Variants in IQCM observed in about 807,000 individuals in gnomAD.
IQCM encodes the protein IQ domain-containing protein M.
IQCM carries 45 observed loss-of-function variants against 57.6 expected under a neutral mutation model. That is an observed-to-expected ratio of 0.78 (90% CI 0.62 to 1.00). The LOEUF is 1.00. Ranked by LOEUF, IQCM falls within the 50% of genes least tolerant of loss-of-function variation. IQCM has a pLI of 0.00. For missense variants in IQCM, 468 were observed against 511.6 expected (o/e 0.91, Z 0.82); for synonymous variants, 148 against 158.9 (o/e 0.93, Z 0.51).
In IQCM at chr4:149,364,316, T is replaced by C. The variant is rs115753208; in HGVS notation, c.1391-12250A>G. 3.8e-3 allele frequency among the ~76,000 whole-genome samples: 584 copies of C among 152,268 alleles called. 3 individuals carry two copies. The highest frequency in any genetic ancestry group is 0.013 in the African/African-American group (549 of 41,552). The stretch of plus-strand genomic sequence containing the variant: ...ATAGCTCTGGGCACTGTCTAGATGA[T>C]GTTTCCGCAGCCTTACAGAACATAT... On this transcript the variant is annotated intron_variant, in intron 13 of 13. Coordinates refer to ENST00000636793, the MANE Select transcript of IQCM (RefSeq NM_001363507.2).
At chr4:149,727,591 G>A (rs540956337) in intron 5 of IQCM, among the ~76,000 whole-genome samples, 6 of 152,232 alleles carry the variant, frequency 3.9e-5, no homozygotes, top group Non-Finnish European at 5.9e-5. Context: ...TTAACTGTCC[G>A]AAACCTTCTG....
At chr4:149,628,211 G>A (rs1337478285) in intron 7 of IQCM, among the ~76,000 whole-genome samples, 1 of 152,080 alleles carries the variant, frequency 6.6e-6, no homozygotes, top group Admixed American at 6.6e-5. Flanking sequence ...AAAATATTCT[G>A]CTAGACCCAG....
intron 13 of IQCM, among the ~76,000 whole-genome samples, chr4:149,407,025 C>A (rs1295097096): frequency 6.6e-6 from 1 of 151,726 alleles, no homozygotes; most frequent in African/African-American, 2.4e-5. Flanking sequence ...AGGCGAAAGG[C>A]ACGTTTTACA....
intron 8 of IQCM, among the ~76,000 whole-genome samples, chr4:149,614,835 C>T (rs558379117): frequency 6.6e-6 from 1 of 152,298 alleles, no homozygotes; most frequent in Non-Finnish European, 1.5e-5. Context: ...AGGCTGCGAG[C>T]TGGACAAGCT....
intron 12 of IQCM, among the ~76,000 whole-genome samples, chr4:149,497,826 G>A (rs946660021): frequency 1.3e-5 from 2 of 150,398 alleles, no homozygotes; most frequent in Non-Finnish European, 3.0e-5. Flanking sequence ...GCAAGTTTGT[G>A]TACTCTGATA....
At chr4:149,460,046 G>A (rs185566441) in intron 12 of IQCM, among the ~76,000 whole-genome samples, 207 of 152,200 alleles carry the variant, frequency 1.4e-3, no homozygotes, top group Middle Eastern at 0.01. Flanking sequence ...CGGTACACAA[G>A]GGTTCCAATT....
intron 12 of IQCM, among the ~76,000 whole-genome samples, chr4:149,538,876 A>G (rs1747569463): frequency 6.6e-6 from 1 of 152,040 alleles, no homozygotes; most frequent in Non-Finnish European, 1.5e-5. Context: ...AAATAAAAAT[A>G]TATTCCACAG....
chr4:149,540,528 T>G (rs1316400112), intron 12 of IQCM, among the ~76,000 whole-genome samples: 1 of 151,846 alleles, frequency 6.6e-6, no homozygotes, highest in Non-Finnish European at 1.5e-5. Context: ...TGTCGTCCAC[T>G]CTGATTTAAC....
intron 13 of IQCM, among the ~76,000 whole-genome samples, chr4:149,394,993 T>C (rs1732124603): frequency 6.6e-6 from 1 of 151,980 alleles, no homozygotes; most frequent in South Asian, 2.1e-4. Flanking sequence ...ATAATTTTAC[T>C]GATGTGAAAA....
chr4:149,615,093 G>A (rs1475879824), intron 8 of IQCM, among the ~76,000 whole-genome samples: 1 of 151,868 alleles, frequency 6.6e-6, no homozygotes, highest in East Asian at 1.9e-4. Context: ...TGCATTGATT[G>A]TCACGTCTCA....
chr4:149,794,199 T>C (rs1772902887), intron 2 of IQCM, among the ~76,000 whole-genome samples: 1 of 152,168 alleles, frequency 6.6e-6, no homozygotes, highest in Non-Finnish European at 1.5e-5. Flanking sequence ...TAGGGCAGTA[T>C]TGAGGATATT....
At chr4:149,529,406 T>C (rs973725830) in intron 12 of IQCM, among the ~76,000 whole-genome samples, 14 of 152,166 alleles carry the variant, frequency 9.2e-5, no homozygotes, top group African/African-American at 3.4e-4. Context: ...TCATTCCAAA[T>C]ATTCTGGTTT....
chr4:149,517,724 G>C (rs1353980192), intron 12 of IQCM, among the ~76,000 whole-genome samples: 1 of 152,146 alleles, frequency 6.6e-6, no homozygotes, highest in East Asian at 1.9e-4. Flanking sequence ...CTAATTAGCT[G>C]TCAGTGTGCC....
chr4:149,502,918 G>C (rs1743413017), intron 12 of IQCM, among the ~76,000 whole-genome samples: 1 of 151,428 alleles, frequency 6.6e-6, no homozygotes, highest in Admixed American at 6.6e-5. Flanking sequence ...CACAATACCA[G>C]AAAAAATTTG....
chr4:149,590,247 C>CTTTTTTTTTTTTTTTTTTTTTTGTT (rs1753015751), intron 8 of IQCM, among the ~76,000 whole-genome samples: 2 of 73,630 alleles, frequency 2.7e-5, no homozygotes, highest in Non-Finnish European at 5.2e-5. Flanking sequence ...TTTTTCTTTC[C>CTTTTTTTTTTTTTTTTTTTTTTGTT]TTTTTTTTTT....
chr4:149,592,163 G>A (rs1191408239), intron 8 of IQCM, among the ~76,000 whole-genome samples: 1 of 152,130 alleles, frequency 6.6e-6, no homozygotes, highest in Non-Finnish European at 1.5e-5. Context: ...GGTGTCAGAT[G>A]GTATCTCATT....
intron 2 of IQCM, among the ~76,000 whole-genome samples, chr4:149,760,426 G>A (rs1769393647): frequency 6.6e-6 from 1 of 152,014 alleles, no homozygotes; most frequent in South Asian, 2.1e-4. Context: ...TACAGCAGAA[G>A]GTTGAAAGTG....
chr4:149,360,330 A>T (rs1729383774), intron 13 of IQCM, among the ~76,000 whole-genome samples: 1 of 152,246 alleles, frequency 6.6e-6, no homozygotes, highest in Non-Finnish European at 1.5e-5. Context: ...ATTGTAAGTA[A>T]TCTAGAGAAC....
chr4:149,789,375 C>T lies in IQCM; in HGVS notation c.-49+25936G>A, dbSNP rs74326607. On this transcript the variant is annotated intron_variant, in intron 2 of 13. Coordinates refer to ENST00000636793, the MANE Select transcript of IQCM (RefSeq NM_001363507.2). ...GATCAGGCCACACAGCAAGAAAAAA[C>T]ATACTGCCATTTGTACCCCCAATTC... is the stretch of plus-strand genomic sequence containing the variant. 9.4e-4 allele frequency among the ~76,000 whole-genome samples: 143 copies of T among 152,302 alleles called. 2 individuals are homozygous for T. The East Asian group carries it at 0.026, about 28-fold the overall frequency.
Sources: gnomAD v4.1 joint callset for allele counts (sites outside exome capture counted in the v4.1 genomes callset) on GRCh38, gnomAD v4.1.1 for gene constraint, MANE v1.5 for transcripts, NCBI Gene and HGNC (gene_info 2026-07-23, HGNC 2026-07-21) for gene names.